MFHAS1: variants seen among roughly 807,000 people sequenced by gnomAD.
The protein encoded by MFHAS1 is multifunctional ROCO family signaling regulator 1.
A neutral mutation model predicts 70.4 loss-of-function variants in MFHAS1; 50 were observed. That is an observed-to-expected ratio of 0.71 (90% CI 0.57 to 0.90). The LOEUF is 0.90. Among genes scored for constraint, MFHAS1 ranks in the 40% least tolerant of loss-of-function variants. MFHAS1 has a pLI of 0.00. For missense variants in MFHAS1, 1,795 were observed against 1,347.6 expected (o/e 1.33, Z -5.20); for synonymous variants, 952 against 620.0 (o/e 1.54, Z -7.96).
chr8:8,795,898 T>C (rs1477510508), intron 2 of MFHAS1, among the ~76,000 whole-genome samples: 1 of 152,166 alleles, frequency 6.6e-6, no homozygotes, highest in Non-Finnish European at 1.5e-5. Context: ...AAAAATTCCA[T>C]GTGGCCAGCT....
intron 1 of MFHAS1, among the ~76,000 whole-genome samples, chr8:8,878,623 G>A (rs933927853): frequency 4.6e-5 from 7 of 150,538 alleles, no homozygotes; most frequent in African/African-American, 1.7e-4. Flanking sequence ...CTGGTTTTAT[G>A]TTTTCCCTTT....
chr8:8,857,438 C>A (rs1260103896), intron 1 of MFHAS1, among the ~76,000 whole-genome samples: 1 of 152,050 alleles, frequency 6.6e-6, no homozygotes, highest in Non-Finnish European at 1.5e-5. Context: ...CTCCATTCAG[C>A]CACTGAAATA....
rs116222849 is a variant in MFHAS1 at position 8,791,954 on chromosome 8, G to C, written c.3125+5411C>G. Among the ~76,000 whole-genome samples, 668 of 152,262 alleles carry C rather than the reference G, an allele frequency of 4.4e-3. 4 individuals are homozygous for C. Among genetic ancestry groups the C allele is most frequent in the African/African-American group, 0.015 (636 of 41,540 alleles). ...TTTATGAGAACCTCTTTAAAACTCA[G>C]AAATCGGCCAGGCACGGTGGCTCAC... On this transcript the variant is annotated intron_variant, in intron 2 of 2. Coordinates refer to ENST00000276282, the MANE Select transcript of MFHAS1 (RefSeq NM_004225.3).
chr8:8,858,769 G>A (rs996198966), intron 1 of MFHAS1, among the ~76,000 whole-genome samples: 6 of 152,106 alleles, frequency 3.9e-5, no homozygotes, highest in East Asian at 1.9e-4. Context: ...AGGTGGCGTC[G>A]AGGTGGACCC....
At chr8:8,853,118 C>G (rs1808307475) in intron 1 of MFHAS1, among the ~76,000 whole-genome samples, 2 of 151,996 alleles carry the variant, frequency 1.3e-5, no homozygotes, top group Non-Finnish European at 2.9e-5. Context: ...GGCTCCATTT[C>G]TCCTACTACA....
intron 1 of MFHAS1, among the ~76,000 whole-genome samples, chr8:8,837,548 C>G (rs1807643170): frequency 6.6e-6 from 1 of 151,934 alleles, no homozygotes; most frequent in African/African-American, 2.4e-5. Flanking sequence ...GAGGCTGAGG[C>G]ACAAGAATTC....
intron 1 of MFHAS1, among the ~76,000 whole-genome samples, chr8:8,819,528 C>T (rs777692046): frequency 3.4e-5 from 5 of 146,234 alleles, no homozygotes; most frequent in African/African-American, 7.6e-5. Context: ...TGGCGTGAAT[C>T]GGGAGGCGGA....
intron 2 of MFHAS1, among the ~76,000 whole-genome samples, chr8:8,787,085 A>AT (rs371642880): frequency 0.47 from 59,547 of 127,928 alleles, 13,492 homozygotes; most frequent in East Asian, 0.76. Flanking sequence ...TATTATTATT[A>AT]TTTTTTTTTT....
intron 1 of MFHAS1, among the ~76,000 whole-genome samples, chr8:8,882,103 G>A (rs542695695): frequency 8.5e-4 from 129 of 152,210 alleles, no homozygotes; most frequent in African/African-American, 3.0e-3. Context: ...ATCACAGGCC[G>A]AGCATGGTGG....
chr8:8,861,484 C>A (rs527587776), intron 1 of MFHAS1, among the ~76,000 whole-genome samples: 1 of 152,264 alleles, frequency 6.6e-6, no homozygotes, highest in African/African-American at 2.4e-5. Flanking sequence ...AGGATATAAT[C>A]ACAAGGTATA....
intron 1 of MFHAS1, among the ~76,000 whole-genome samples, chr8:8,843,775 C>T (rs912227540): frequency 6.6e-6 from 1 of 152,118 alleles, no homozygotes; most frequent in South Asian, 2.1e-4. Flanking sequence ...GCGAACTCAT[C>T]CCTATCTTAC....
intron 1 of MFHAS1, among the ~76,000 whole-genome samples, chr8:8,821,381 A>G (rs1191356153): frequency 2.0e-5 from 3 of 152,238 alleles, no homozygotes; most frequent in African/African-American, 7.2e-5. Context: ...ATTTTACAGA[A>G]TGCAAGTAAG....
intron 1 of MFHAS1, among the ~76,000 whole-genome samples, chr8:8,816,203 C>A (rs1156954399): frequency 1.3e-5 from 2 of 152,094 alleles, no homozygotes; most frequent in Non-Finnish European, 2.9e-5. Context: ...GGGTGATGGA[C>A]ATACTCATGA....
intron 1 of MFHAS1, among the ~76,000 whole-genome samples, chr8:8,855,099 C>A: frequency 6.6e-6 from 1 of 152,034 alleles, no homozygotes; most frequent in Non-Finnish European, 1.5e-5. Flanking sequence ...TCTAGGGCCC[C>A]CACCCCCAGC....
intron 2 of MFHAS1, among the ~76,000 whole-genome samples, chr8:8,788,205 C>A (rs1805616744): frequency 1.3e-5 from 2 of 152,206 alleles, no homozygotes; most frequent in Admixed American, 1.3e-4. Flanking sequence ...CTATTAGGTT[C>A]TGGAGGGCAG....
intron 1 of MFHAS1, among the ~76,000 whole-genome samples, chr8:8,855,307 CAG>C (rs1808396406): frequency 6.6e-6 from 1 of 152,168 alleles, no homozygotes; most frequent in Admixed American, 6.5e-5. Context: ...AAGCGGAAAA[CAG>C]ATGAATTAAG....
At chr8:8,811,676 G>C (rs1265538712) in intron 1 of MFHAS1, among the ~76,000 whole-genome samples, 2 of 152,210 alleles carry the variant, frequency 1.3e-5, no homozygotes, top group Non-Finnish European at 2.9e-5. Context: ...CACAAGAGTG[G>C]GATTTTCCTT....
intron 1 of MFHAS1, among the ~76,000 whole-genome samples, chr8:8,828,148 T>C (rs1444634017): frequency 1.3e-5 from 2 of 152,208 alleles, no homozygotes; most frequent in African/African-American, 4.8e-5. Flanking sequence ...TTTCAGTGAA[T>C]GATGCTGATG....
rs146720557 is a variant in MFHAS1 at position 8,834,839 on chromosome 8, C to T, written c.2999-37348G>A. On this transcript the variant is annotated intron_variant, in intron 1 of 2. Transcript: ENST00000276282. ...AACTGTGCACGAAACCACCCCAGGGCCCCCAGTGAACTCACAGACATGCCA... is the reference window on the plus strand; with the variant it reads ...AACTGTGCACGAAACCACCCCAGGGTCCCCAGTGAACTCACAGACATGCCA... Among the ~76,000 whole-genome samples, 1,139 of 152,284 alleles carry T rather than the reference C, an allele frequency of 7.5e-3. 14 individuals are homozygous for T. Among genetic ancestry groups the T allele is most frequent in the African/African-American group, 0.026 (1,079 of 41,550 alleles).
Sources: gnomAD v4.1 joint callset for allele counts (sites outside exome capture counted in the v4.1 genomes callset) on GRCh38, gnomAD v4.1.1 for gene constraint, MANE v1.5 for transcripts, NCBI Gene and HGNC (gene_info 2026-07-23, HGNC 2026-07-21) for gene names.